The following ROBO1 variants were observed in gnomAD, a reference collection of about 807,000 sequenced individuals.
ROBO1 encodes roundabout homolog 1.
Under a neutral mutation model 195.9 loss-of-function variants are expected in ROBO1, and 149 were observed. That is an observed-to-expected ratio of 0.76 (90% CI 0.67 to 0.87). The LOEUF (loss-of-function observed/expected upper bound fraction) is 0.87. Ranked by LOEUF, ROBO1 falls within the 40% of genes least tolerant of loss-of-function variation. The pLI is 0.00. For synonymous variants in ROBO1, 816 were observed against 733.2 expected (o/e 1.11, Z -1.82); for missense variants, 1,933 against 2,068.3 (o/e 0.93, Z 1.27).
chr3:79,142,929 A>C (rs1474439573), intron 2 of ROBO1, among the ~76,000 whole-genome samples: 25 of 152,174 alleles, frequency 1.6e-4, no homozygotes, highest in Admixed American at 1.6e-3. Context: ...TAAATGGAGA[A>C]GACTCACAAA....
intron 2 of ROBO1, among the ~76,000 whole-genome samples, chr3:79,396,973 T>G (rs1328715437): frequency 6.6e-6 from 1 of 152,000 alleles, no homozygotes; most frequent in Non-Finnish European, 1.5e-5. Context: ...GAAAACCAAA[T>G]CAAAACTCAC....
chr3:79,767,916 C>T lies in ROBO1; in HGVS notation c.-215G>A, dbSNP rs1215266285. 1 of 152,220 alleles carries T rather than the reference C, an allele frequency of 6.6e-6. No homozygotes were observed. The highest frequency in any genetic ancestry group is 1.5e-5 in the Non-Finnish European group (1 of 68,062). 9.4% of individuals were successfully genotyped at this position (152,220 alleles called of 1,614,324 possible). Reference sequence around the variant, plus strand: ...GGGAGAGAGTGAAGTCGGGTTTCTTCTCTGTATCAGCACCCTGGAAAAATT... The same window carrying T: ...GGGAGAGAGTGAAGTCGGGTTTCTTTTCTGTATCAGCACCCTGGAAAAATT... On this transcript the variant is annotated 5_prime_UTR_variant, in exon 1 of 31. Coordinates refer to ENST00000464233, the MANE Select transcript of ROBO1 (RefSeq NM_002941.4).
intron 2 of ROBO1, among the ~76,000 whole-genome samples, chr3:79,209,447 A>G (rs1435277204): frequency 2.6e-5 from 4 of 152,082 alleles, no homozygotes; most frequent in African/African-American, 9.7e-5. Context: ...GCTTCTATAA[A>G]CATGCATGTG....
chr3:78,932,556 G>GACT (rs2039587830), intron 4 of ROBO1, among the ~76,000 whole-genome samples: 1 of 152,088 alleles, frequency 6.6e-6, no homozygotes, highest in Non-Finnish European at 1.5e-5. Context: ...ATCCAATCTA[G>GACT]AGAGTCAAAC....
chr3:79,003,126 G>T (rs2077543158), intron 3 of ROBO1, among the ~76,000 whole-genome samples: 1 of 152,058 alleles, frequency 6.6e-6, no homozygotes, highest in Non-Finnish European at 1.5e-5. Flanking sequence ...CTAATTGTTG[G>T]CATTTTTGTA....
At chr3:78,971,915 G>A (rs1307040216) in intron 3 of ROBO1, among the ~76,000 whole-genome samples, 5 of 152,066 alleles carry the variant, frequency 3.3e-5, no homozygotes, top group Admixed American at 1.3e-4. Flanking sequence ...ACAGGCGCCC[G>A]CCACCATGCC....
chr3:79,110,475 G>A (rs182419377), intron 3 of ROBO1, among the ~76,000 whole-genome samples: 124 of 151,756 alleles, frequency 8.2e-4, no homozygotes, highest in Non-Finnish European at 1.5e-3. Context: ...CCAATTGACC[G>A]AGTAAATCTT....
chr3:79,226,134 T>C (rs939216378), intron 2 of ROBO1, among the ~76,000 whole-genome samples: 42 of 152,184 alleles, frequency 2.8e-4, no homozygotes, highest in African/African-American at 9.7e-4. Context: ...TCATGCACTT[T>C]TTCGTAGTGG....
At chr3:79,569,037 C>T (rs1344885568) in intron 2 of ROBO1, among the ~76,000 whole-genome samples, 1 of 152,142 alleles carries the variant, frequency 6.6e-6, no homozygotes, top group African/African-American at 2.4e-5. Context: ...AAATGTAGTA[C>T]TGAATTTGTA....
intron 3 of ROBO1, among the ~76,000 whole-genome samples, chr3:79,068,665 T>C (rs2079040573): frequency 6.6e-6 from 1 of 151,860 alleles, no homozygotes; most frequent in African/African-American, 2.4e-5. Context: ...CTCTGTTTAT[T>C]TGCATGACTT....
chr3:79,075,822 C>T (rs963351320), intron 3 of ROBO1, among the ~76,000 whole-genome samples: 1 of 151,566 alleles, frequency 6.6e-6, no homozygotes, highest in Non-Finnish European at 1.5e-5. Context: ...TATAGTATAA[C>T]ATATATAATT....
intron 2 of ROBO1, among the ~76,000 whole-genome samples, chr3:79,311,287 G>A (rs1335571817): frequency 6.6e-6 from 1 of 152,034 alleles, no homozygotes; most frequent in Non-Finnish European, 1.5e-5. Flanking sequence ...ATTCCAGAAA[G>A]GGCTTAAACT....
intron 3 of ROBO1, among the ~76,000 whole-genome samples, chr3:79,010,878 A>G (rs2077760155): frequency 6.6e-6 from 1 of 152,162 alleles, no homozygotes; most frequent in Non-Finnish European, 1.5e-5. Flanking sequence ...ACGTCTCCCC[A>G]GTTTTTCTTC....
chr3:79,230,331 G>C (rs1021566795), intron 2 of ROBO1, among the ~76,000 whole-genome samples: 3 of 151,884 alleles, frequency 2.0e-5, no homozygotes, highest in African/African-American at 7.3e-5. Context: ...AAACTATCAG[G>C]CTTCCTTATA....
intron 2 of ROBO1, among the ~76,000 whole-genome samples, chr3:79,527,500 T>C (rs1159201380): frequency 6.6e-6 from 1 of 152,132 alleles, no homozygotes; most frequent in Non-Finnish European, 1.5e-5. Flanking sequence ...TAATATTCTC[T>C]ATACAGTGTC....
intron 2 of ROBO1, among the ~76,000 whole-genome samples, chr3:79,190,466 T>A (rs533181706): frequency 2.6e-5 from 4 of 151,746 alleles, no homozygotes; most frequent in South Asian, 4.2e-4. Flanking sequence ...TAAGACTTTT[T>A]CACAAATTGA....
chr3:79,575,237 AAT>A (rs1157869083), intron 2 of ROBO1, among the ~76,000 whole-genome samples: 1 of 72,408 alleles, frequency 1.4e-5, no homozygotes, highest in African/African-American at 6.4e-5. Context: ...AATATATATA[AAT>A]ATATATAACA....
intron 2 of ROBO1, among the ~76,000 whole-genome samples, chr3:79,445,941 C>T (rs976673850): frequency 6.6e-6 from 1 of 151,552 alleles, no homozygotes; most frequent in Non-Finnish European, 1.5e-5. Flanking sequence ...CGTGAGCCAC[C>T]GCGCCCGGCC....
chr3:79,622,378 C>T (rs1357868725), intron 1 of ROBO1, among the ~76,000 whole-genome samples: 2 of 152,178 alleles, frequency 1.3e-5, no homozygotes, highest in Admixed American at 6.5e-5. Context: ...TTTGGAACTC[C>T]TTGGGGGAGG....
Sources: allele counts gnomAD v4.1 joint callset (sites outside exome capture counted in the v4.1 genomes callset), GRCh38; gene constraint gnomAD v4.1.1; transcripts MANE v1.5; gene names NCBI Gene and HGNC (gene_info 2026-07-23, HGNC 2026-07-21).